The following DNAH8 variants were observed in gnomAD, a reference collection of about 807,000 sequenced individuals.
The protein encoded by DNAH8 is dynein axonemal heavy chain 8.
In DNAH8, 382 loss-of-function variants were observed where a neutral mutation model predicts 562.1. That is an observed-to-expected ratio of 0.68 (90% CI 0.63 to 0.74). DNAH8 has a LOEUF of 0.74. DNAH8 is among the 30% of genes least tolerant of loss of function. The pLI, the probability that DNAH8 is intolerant of heterozygous loss-of-function variation, is 0.00. For synonymous variants in DNAH8, 1,881 were observed against 1,919.4 expected, an observed-to-expected ratio of 0.98 and a Z score of 0.52; for missense variants, 5,203 against 5,620.4, an observed-to-expected ratio of 0.93 and a Z score of 2.37.
intron 17 of DNAH8, among the ~76,000 whole-genome samples, chr6:38,784,795 C>G (rs1218335772): frequency 6.6e-6 from 1 of 152,202 alleles, no homozygotes; most frequent in Non-Finnish European, 1.5e-5. Flanking sequence ...TGCCCAAGAT[C>G]ACACAGCTCA....
chr6:38,968,847 A>G (rs1193229484), intron 82 of DNAH8, among the ~76,000 whole-genome samples: 5 of 152,206 alleles, frequency 3.3e-5, no homozygotes, highest in African/African-American at 1.2e-4. Context: ...TGCTCATAGC[A>G]GCATTACTCA....
chr6:38,931,887 C>T lies in DNAH8; in HGVS notation c.11351C>T (p.Ala3784Val), dbSNP rs764054405. The T allele has an allele frequency of 2.5e-6, 4 of 1,611,008 alleles. No individual in the cohort carries two copies. The South Asian group carries it at 4.4e-5, about 18-fold the overall frequency. Residue 3784 changes from alanine (A) to valine (V), a missense_variant, in exon 76 of 93, where the codon GCC (alanine) becomes GTC (valine). By Grantham distance (64) the Ala-to-Val change is moderately conservative (BLOSUM62 0). This residue lies in a region of DNAH8 where 1,399 missense variants were observed against 1,518.4 expected (regional missense o/e 0.92). Transcript: ENST00000327475. ...LYITTKLPNP[A>V]FTPEINAKTS... ...ATTACTACGAAGTTACCAAATCCTG[C>T]CTTTACCCCAGAGATTAATGCTAAA...
Position 38,759,538 on chromosome 6 carries a change from C to T in DNAH8, c.1516-2164C>T, listed in dbSNP as rs1158267196. ...TCTCTCTCATTCTTGCCATATATGT[C>T]CCACATTGAGATCATTTTTAGTTCT... On this transcript the variant is annotated intron_variant, in intron 10 of 92. Coordinates refer to ENST00000327475, the MANE Select transcript of DNAH8 (RefSeq NM_001206927.2). Among the ~76,000 whole-genome samples the T allele has an allele frequency of 1.3e-5, 2 of 152,136 alleles. 1 individual carries two copies. The highest frequency in any genetic ancestry group is 4.1e-4 in the South Asian group (2 of 4,826).
At chr6:38,982,635 A>G (rs1163581289) in intron 86 of DNAH8, among the ~76,000 whole-genome samples, 173 bp downstream of exon 86, 2 of 152,166 alleles carry the variant, frequency 1.3e-5, no homozygotes, top group East Asian at 1.9e-4. Flanking sequence ...CCTGCCCCCA[A>G]CACTCACATA....
intron 28 of DNAH8, 76 bp downstream of exon 28, chr6:38,823,764 T>A: frequency 1.0e-6 from 1 of 983,286 alleles, no homozygotes; most frequent in Non-Finnish European, 1.5e-6. Flanking sequence ...AAGCAGTTAT[T>A]AAGTTATCTT....
intron 3 of DNAH8, among the ~76,000 whole-genome samples, chr6:38,727,574 T>G (rs1220956126): frequency 6.6e-6 from 1 of 152,246 alleles, no homozygotes; most frequent in Non-Finnish European, 1.5e-5. Context: ...GGATCACGGT[T>G]CTCCGTTGTT....
chr6:38,883,322 G>A lies in DNAH8; in HGVS notation c.8002G>A (p.Ala2668Thr). The A allele has an allele frequency of 6.2e-7, 1 of 1,604,268 alleles. No homozygotes were observed. Among genetic ancestry groups the A allele is most frequent in the Non-Finnish European group, 8.5e-7 (1 of 1,176,452 alleles). ...CAACACTATTATCCTATGATTGCAGGCTGTTTTGCTCACAGGAGAGCAGGG... is the reference window on the plus strand; with the variant it reads ...CAACACTATTATCCTATGATTGCAGACTGTTTTGCTCACAGGAGAGCAGGG... Reference protein sequence around the residue: ...LIDTIAKQHKAVLLTGEQGTA... With the variant: ...LIDTIAKQHKTVLLTGEQGTA... The change falls in exon 55 of 93, where the codon GCT becomes ACT. Residue 2668 changes from alanine (A) to threonine (T), a missense_variant and splice_region_variant. This residue lies in a region of DNAH8 where 977 missense variants were observed against 1,061.8 expected (regional missense o/e 0.92). Coordinates refer to ENST00000327475, the MANE Select transcript of DNAH8 (RefSeq NM_001206927.2).
In DNAH8 at chr6:38,911,556, A is replaced by G. The variant is rs1325989937; in HGVS notation, c.9829A>G (p.Ile3277Val). Residue 3277 changes from isoleucine (I) to valine (V), a missense_variant, in exon 66 of 93, where the codon ATT becomes GTT. Around this residue, in one of 6 missense-constraint regions of DNAH8, gnomAD observed 977 missense variants for 1,061.8 expected, o/e 0.92. Coordinates refer to ENST00000327475, the MANE Select transcript of DNAH8 (RefSeq NM_001206927.2). ...CATTTATGCTGAAAAGGTGAAGTTC[A>G]TTAATGAACAGGCTGAACGTATGAA... Reference protein sequence around the residue: ...KNIYAEKVKFINEQAERMNIG... With the variant: ...KNIYAEKVKFVNEQAERMNIG... 2 of 1,610,360 alleles carry G rather than the reference A, an allele frequency of 1.2e-6. No homozygotes were observed. Among genetic ancestry groups the G allele is most frequent in the African/African-American group, 1.3e-5 (1 of 74,880 alleles).
intron 26 of DNAH8, among the ~76,000 whole-genome samples, chr6:38,817,540 G>A (rs999552261): frequency 3.9e-5 from 6 of 152,192 alleles, no homozygotes; most frequent in Non-Finnish European, 8.8e-5. Context: ...TTGGCTTGAT[G>A]TGTTGGTGTC....
At position 38,938,821 on chromosome 6, in the gene DNAH8, A is replaced by C. The variant is rs147313291; in HGVS notation, c.11840A>C (p.Gln3947Pro). 2 of 1,610,168 alleles carry C rather than the reference A, an allele frequency of 1.2e-6. No individual in the cohort carries two copies. The highest frequency in any genetic ancestry group is 2.7e-5 in the African/African-American group (2 of 74,864). Residue 3947 changes from glutamine (Q) to proline (P), a missense_variant, in exon 79 of 93, where the codon CAA (glutamine) becomes CCA (proline). This residue lies in a region of DNAH8 where 1,399 missense variants were observed against 1,518.4 expected (regional missense o/e 0.92). Transcript: ENST00000327475. ...MARSEKSPLP[Q>P]KRITNIIEYL... ...AGATCTGAAAAGTCACCACTACCTC[A>C]AAAGAGAATTACAAATATTATCGAG...
intron 10 of DNAH8, among the ~76,000 whole-genome samples, chr6:38,758,417 G>A (rs1234186109): frequency 6.6e-6 from 1 of 151,234 alleles, no homozygotes; most frequent in Non-Finnish European, 1.5e-5. Context: ...ATCAGCTTAA[G>A]GAGATTTTGG....
rs78154539 is a variant in DNAH8, at chr6:38,917,235, A to C, written c.10141-4A>C. 1 of 509,018 alleles carries C rather than the reference A, an allele frequency of 2.0e-6. No homozygotes were observed. Among genetic ancestry groups the C allele is most frequent in the Non-Finnish European group, 2.7e-6 (1 of 369,948 alleles). The allele number at this position is 509,018 out of a possible 1,614,324, so 31.5% of individuals were successfully genotyped here. On this transcript the variant is annotated splice_region_variant and splice_polypyrimidine_tract_variant and intron_variant, in intron 68 of 92. Transcript: ENST00000327475. The stretch of plus-strand genomic sequence containing the variant: ...AAAATATTGATCCTTAATCCCAAAT[A>C]TAGACTATCAAGCCAAATGATATTG...
In DNAH8 at chr6:38,828,206, G is replaced by A. The variant is rs1773532614; in HGVS notation, c.4106G>A (p.Arg1369Lys). 1 of 1,593,808 alleles carries A rather than the reference G, an allele frequency of 6.3e-7. No individual in the cohort carries two copies. Among genetic ancestry groups the A allele is most frequent in the African/African-American group, 1.4e-5 (1 of 74,072 alleles). Residue 1369 changes from arginine to lysine, a missense_variant, in exon 30 of 93, where the codon AGA becomes AAA. This residue lies in a region of DNAH8 where 2,176 missense variants were observed against 2,365.1 expected (regional missense o/e 0.92). Transcript: ENST00000327475. ...CAGGAAGCCTATGCTATTTTAAACAGATTTGAAGTTGAAGTAACCAAAGAA... is the reference window on the plus strand; with the variant it reads ...CAGGAAGCCTATGCTATTTTAAACAAATTTGAAGTTGAAGTAACCAAAGAA... ...PIEEAYAILN[R>K]FEVEVTKEES...
intron 24 of DNAH8, among the ~76,000 whole-genome samples, chr6:38,811,098 T>C (rs962152047): frequency 6.6e-6 from 1 of 152,250 alleles, no homozygotes; most frequent in Non-Finnish European, 1.5e-5. Context: ...TAATCCTGCT[T>C]TGTTCTCAGA....
rs1351715312 is a variant in DNAH8, at chr6:38,874,058, C to CTT, written c.7620+684_7620+685dup. Among the ~76,000 whole-genome samples, 27 of 40,176 alleles carry CTT rather than the reference C, an allele frequency of 6.7e-4. 2 individuals are homozygous for CTT. The highest frequency in any genetic ancestry group is 3.0e-3 in the African/African-American group (25 of 8,226). The allele number at this position is 40,176 out of a possible 152,430, so 26.4% of individuals were successfully genotyped here. A position where few individuals can be genotyped will look rare whatever the true frequency, so the allele number is the denominator to read the frequency against. ...TTTTCTTTTCTTTCTTTCTTTCTTT[C>CTT]TTTCTTTCTTTTTCTTTCTTTCTTT... On this transcript the variant is annotated intron_variant, in intron 52 of 92. Coordinates refer to ENST00000327475, the MANE Select transcript of DNAH8 (RefSeq NM_001206927.2).
chr6:38,783,424 T>A (rs1323619429), intron 17 of DNAH8, among the ~76,000 whole-genome samples: 2 of 152,232 alleles, frequency 1.3e-5, no homozygotes, highest in Non-Finnish European at 1.5e-5. Flanking sequence ...CTCCAGACTT[T>A]ATGAAAGTGT....
intron 36 of DNAH8, among the ~76,000 whole-genome samples, chr6:38,847,346 C>T (rs1419923904): frequency 6.6e-6 from 1 of 151,448 alleles, no homozygotes; most frequent in African/African-American, 2.4e-5. Context: ...ACAATTTTGG[C>T]CTATCTAGTT....
chr6:38,778,539 G>A lies in DNAH8; in HGVS notation c.2039+75G>A, dbSNP rs1768281440. 1.1e-5 allele frequency: 10 copies of A among 934,828 alleles called. No homozygotes were observed. In the South Asian group the frequency reaches 1.4e-4, roughly 13 times the overall value. 57.9% of individuals were successfully genotyped at this position (934,828 alleles called of 1,614,324 possible). A position where few individuals can be genotyped will look rare whatever the true frequency, so the allele number is the denominator to read the frequency against. ...ATCTAAAAATACAATTTCAAATTAG[G>A]ATGTTGTTGGAAATCTGTCCTACAT... On this transcript the variant is annotated intron_variant, in intron 14 of 92. Coordinates refer to ENST00000327475, the MANE Select transcript of DNAH8 (RefSeq NM_001206927.2).
intron 11 of DNAH8, 96 bp downstream of exon 11, chr6:38,761,899 T>C: frequency 3.2e-6 from 2 of 629,264 alleles, no homozygotes; most frequent in Non-Finnish European, 5.3e-6. Context: ...CTGAAAAAAC[T>C]TCCTACAGAG....
Sources: gnomAD v4.1 joint callset for allele counts (sites outside exome capture counted in the v4.1 genomes callset) on GRCh38, gnomAD v4.1.1 for gene constraint, gnomAD v4.1.1 regional missense constraint, MANE v1.5 for transcripts, NCBI Gene and HGNC (gene_info 2026-07-23, HGNC 2026-07-21) for gene names.